The following RPP14 variants were observed in gnomAD, a reference collection of about 807,000 sequenced individuals.
The protein encoded by RPP14 is ribonuclease P/MRP subunit p14.
RPP14 carries 19 observed loss-of-function variants against 17.8 expected under a neutral mutation model. The observed-to-expected ratio is 1.07, with a 90% confidence interval of 0.74 to 1.57. RPP14 has a LOEUF of 1.57. RPP14 is among the 40% of genes most tolerant of loss of function. RPP14 has a pLI of 0.00. For synonymous variants in RPP14, 60 were observed against 56.4 expected (o/e 1.06, Z -0.29); for missense variants, 125 against 140.8 (o/e 0.89, Z 0.57).
At chr3:58,313,696 G>A (rs368239793) in intron 3 of RPP14, among the ~76,000 whole-genome samples, 3 of 152,140 alleles carry the variant, frequency 2.0e-5, no homozygotes, top group African/African-American at 7.2e-5. Context: ...GTGGTGGTGT[G>A]CACTGATAGT....
intron 3 of RPP14, among the ~76,000 whole-genome samples, chr3:58,316,232 A>G (rs988825182): frequency 7.9e-5 from 12 of 152,218 alleles, no homozygotes; most frequent in Admixed American, 6.5e-4. Flanking sequence ...TGTCCTGTAC[A>G]AGAAAGAACA....
rs374846251 is a variant in RPP14 at position 58,316,497 on chromosome 3, G to T, written c.163-18G>T. On this transcript the variant is annotated intron_variant, in intron 3 of 5. Coordinates refer to ENST00000295959, the MANE Select transcript of RPP14 (RefSeq NM_007042.6). Reference sequence around the variant, plus strand: ...TAATGGTGAGAATAGCCTGCTAATAGCATTATTCCATATGCAGGTTGATGC... The same window carrying T: ...TAATGGTGAGAATAGCCTGCTAATATCATTATTCCATATGCAGGTTGATGC... The T allele has an allele frequency of 6.2e-7, 1 of 1,606,294 alleles. No individual in the cohort carries two copies. Among genetic ancestry groups the T allele is most frequent in the Non-Finnish European group, 8.5e-7 (1 of 1,173,052 alleles).
intron 1 of RPP14, among the ~76,000 whole-genome samples, chr3:58,307,481 T>A (rs1012767286): frequency 6.6e-6 from 1 of 152,176 alleles, no homozygotes; most frequent in African/African-American, 2.4e-5. Flanking sequence ...CCCAGCACTT[T>A]GAGGGGGCCG....
chr3:58,314,634 A>G (rs1469120966), intron 3 of RPP14, among the ~76,000 whole-genome samples: 1 of 148,872 alleles, frequency 6.7e-6, no homozygotes, highest in African/African-American at 2.5e-5. Context: ...TACAGTGAGT[A>G]TGTAAAATGG....
rs1010962410 is a variant in RPP14 at position 58,306,360 on chromosome 3, G to A, written c.-79G>A. 5 of 152,386 alleles carry A rather than the reference G, an allele frequency of 3.3e-5. No homozygotes were observed. The highest frequency in any genetic ancestry group is 7.3e-5 in the Non-Finnish European group (5 of 68,130). The allele number at this position is 152,386 out of a possible 1,614,324, so 9.4% of individuals were successfully genotyped here. A position where few individuals can be genotyped will look rare whatever the true frequency, so the allele number is the denominator to read the frequency against. Reference sequence around the variant, plus strand: ...CTGCCGGGGAGCCCCAAGCCTTGGCGGGTCCTTGCGGCGAATAGGAGTCTG... The same window carrying A: ...CTGCCGGGGAGCCCCAAGCCTTGGCAGGTCCTTGCGGCGAATAGGAGTCTG... On this transcript the variant is annotated 5_prime_UTR_variant, in exon 1 of 6. Transcript: ENST00000295959.
At chr3:58,309,405 CTAAGGCATGT>C (rs1219470205) in intron 1 of RPP14, among the ~76,000 whole-genome samples, 3 of 152,104 alleles carry the variant, frequency 2.0e-5, no homozygotes, top group Admixed American at 2.0e-4. Context: ...TGAAGACAAG[CTAAGGCATGT>C]GAAATGTTTA....
chr3:58,312,051 G>A (rs932335358), intron 3 of RPP14, among the ~76,000 whole-genome samples: 22 of 151,454 alleles, frequency 1.5e-4, no homozygotes, highest in African/African-American at 5.3e-4. Context: ...TACTTGTAGA[G>A]GCAAGGTCTC....
chr3:58,310,214 A>G (rs2097480613), intron 1 of RPP14, 95 bp from the exon 2 acceptor site: 1 of 917,932 alleles, frequency 1.1e-6, no homozygotes, highest in South Asian at 1.4e-5. Context: ...CTTAAAACAA[A>G]CAAACAAAAA....
Position 58,306,405 on chromosome 3 carries a change from C to T in RPP14, c.-34C>T, listed in dbSNP as rs1348079368. 1 of 152,318 alleles carries T rather than the reference C, an allele frequency of 6.6e-6. No homozygotes were observed. Among genetic ancestry groups the T allele is most frequent in the Non-Finnish European group, 1.5e-5 (1 of 68,066 alleles). The allele number at this position is 152,318 out of a possible 1,614,324, so 9.4% of individuals were successfully genotyped here. On this transcript the variant is annotated 5_prime_UTR_variant, in exon 1 of 6. Transcript: ENST00000295959. Reference sequence around the variant, plus strand: ...AGTCTGGTCAGGCGTCAGGCTAGTCCGACGAAGAGTGGGTAGGTGGAAGCC... The same window carrying T: ...AGTCTGGTCAGGCGTCAGGCTAGTCTGACGAAGAGTGGGTAGGTGGAAGCC...
rs984894858 is a variant in RPP14 at position 58,318,426 on chromosome 3, G to A, written c.*930G>A. 19 of 192,584 alleles carry A rather than the reference G, an allele frequency of 9.9e-5. No individual in the cohort carries two copies. Among genetic ancestry groups the A allele is most frequent in the Middle Eastern group, 2.0e-3 (1 of 492 alleles). The allele number at this position is 192,584 out of a possible 1,614,324, so 11.9% of individuals were successfully genotyped here. A position where few individuals can be genotyped will look rare whatever the true frequency, so the allele number is the denominator to read the frequency against. On this transcript the variant is annotated 3_prime_UTR_variant, in exon 6 of 6. Coordinates refer to ENST00000295959, the MANE Select transcript of RPP14 (RefSeq NM_007042.6). Reference sequence around the variant, plus strand: ...TAATCCTGGCACTTTGGGAGGCTGCGGCAGGCGGATCACTTGAGGTCAGGA... The same window carrying A: ...TAATCCTGGCACTTTGGGAGGCTGCAGCAGGCGGATCACTTGAGGTCAGGA...
At chr3:58,307,920 G>A (rs1001318525) in intron 1 of RPP14, 3 of 150,496 alleles carry the variant, frequency 2.0e-5, no homozygotes, top group Non-Finnish European at 4.4e-5. Context: ...ATCGTAAGTA[G>A]CATTGAGTAC....
At chr3:58,310,450 C>T (rs1575543584) in intron 2 of RPP14, 44 bp downstream of exon 2, 1 of 1,600,906 alleles carries the variant, frequency 6.2e-7, no homozygotes, top group African/African-American at 1.3e-5. Context: ...ACTTTTCTAA[C>T]ATGAATCTGA....
chr3:58,312,980 A>T (rs79680826), intron 3 of RPP14, among the ~76,000 whole-genome samples: 2 of 135,790 alleles, frequency 1.5e-5, no homozygotes, highest in East Asian at 2.6e-4. Flanking sequence ...AAAAAAAAAA[A>T]GGGCTGGGCA....
chr3:58,318,206 G>T lies in RPP14; in HGVS notation c.*710G>T, dbSNP rs1336544366. ...AATTGCTGCTCTTTACCAAAGAATG[G>T]TTGATAGGCCCAGAAGCCCATCTTA... On this transcript the variant is annotated 3_prime_UTR_variant, in exon 6 of 6. Coordinates refer to ENST00000295959, the MANE Select transcript of RPP14 (RefSeq NM_007042.6). 6 of 598,220 alleles carry T rather than the reference G, an allele frequency of 1.0e-5. No individual in the cohort carries two copies. The highest frequency in any genetic ancestry group is 9.4e-5 in the Admixed American group (3 of 32,018). The allele number at this position is 598,220 out of a possible 1,614,324, so 37.1% of individuals were successfully genotyped here. A position where few individuals can be genotyped will look rare whatever the true frequency, so the allele number is the denominator to read the frequency against.
chr3:58,314,675 ATTT>A (rs751757663), intron 3 of RPP14, among the ~76,000 whole-genome samples: 15 of 90,576 alleles, frequency 1.7e-4, no homozygotes, highest in Middle Eastern at 0.01. Flanking sequence ...GTTTGGCAGT[ATTT>A]TTTTTTTTTT....
At position 58,316,980 on chromosome 3, in the gene RPP14, T is replaced by C; in HGVS notation, c.305T>C (p.Phe102Ser). The change falls in exon 5 of 6, where the codon TTC becomes TCC. Residue 102 changes from phenylalanine to serine, a missense_variant. By Grantham distance (155) the Phe-to-Ser change is radical. Coordinates refer to ENST00000295959, the MANE Select transcript of RPP14 (RefSeq NM_007042.6). Reference sequence around the variant, plus strand: ...TCCTATAAAGGCAAAAAATGTGCTTTCCGGGTGATTCAGGTAAAGACTATT... The same window carrying C: ...TCCTATAAAGGCAAAAAATGTGCTTCCCGGGTGATTCAGGTAAAGACTATT... ...LGSYKGKKCA[F>S]RVIQVSPFLL... 6.2e-7 allele frequency: 1 copy of C among 1,613,536 alleles called. No individual in the cohort carries two copies. Among genetic ancestry groups the C allele is most frequent in the Non-Finnish European group, 8.5e-7 (1 of 1,179,526 alleles).
At chr3:58,306,767 C>A (rs2097475443) in intron 1 of RPP14, 1 of 152,010 alleles carries the variant, frequency 6.6e-6, no homozygotes, top group Non-Finnish European at 1.5e-5. Context: ...CGTCGCACGC[C>A]CACTGTGCAC....
In RPP14 at chr3:58,319,924, A is replaced by G. The variant is rs991014685; in HGVS notation, c.*2428A>G. On this transcript the variant is annotated 3_prime_UTR_variant, in exon 6 of 6. Coordinates refer to ENST00000295959, the MANE Select transcript of RPP14 (RefSeq NM_007042.6). Reference sequence around the variant, plus strand: ...AAGTTGTACAACCATCACCAAATCAATTTTTTATAGCATTTTTCATCACCC... The same window carrying G: ...AAGTTGTACAACCATCACCAAATCAGTTTTTTATAGCATTTTTCATCACCC... The G allele has an allele frequency of 6.6e-6, 1 of 152,080 alleles. No homozygotes were observed. Among genetic ancestry groups the G allele is most frequent in the African/African-American group, 2.4e-5 (1 of 41,396 alleles). 9.4% of individuals were successfully genotyped at this position (152,080 alleles called of 1,614,324 possible). A position where few individuals can be genotyped will look rare whatever the true frequency, so the allele number is the denominator to read the frequency against.
At chr3:58,309,858 C>T (rs1424591470) in intron 1 of RPP14, among the ~76,000 whole-genome samples, 1 of 152,024 alleles carries the variant, frequency 6.6e-6, no homozygotes, top group African/African-American at 2.4e-5. Context: ...TGCCACTGCA[C>T]TCCAGCCTGG....
Sources: allele counts gnomAD v4.1 joint callset (sites outside exome capture counted in the v4.1 genomes callset), GRCh38; gene constraint gnomAD v4.1.1; transcripts MANE v1.5; gene names NCBI Gene and HGNC (gene_info 2026-07-23, HGNC 2026-07-21).